Variants in SLC38A8 observed in about 807,000 individuals in gnomAD.
SLC38A8 encodes the protein amino acid transporter SLC38A8.
SLC38A8 carries 65 observed loss-of-function variants against 46.0 expected under a neutral mutation model. The observed-to-expected ratio is 1.41, with a 90% confidence interval of 1.16 to 1.74. The LOEUF (loss-of-function observed/expected upper bound fraction) is 1.74. SLC38A8 is among the 40% of genes most tolerant of loss of function. The pLI is 0.00. For synonymous variants in SLC38A8, 447 were observed against 243.7 expected (o/e 1.83, Z -7.77); for missense variants, 998 against 567.9 (o/e 1.76, Z -7.70).
At position 84,022,950 on chromosome 16, in the gene SLC38A8, A is replaced by G. The variant is rs1213465538; in HGVS notation, c.691-61T>C. On this transcript the variant is annotated intron_variant, in intron 6 of 10. Coordinates refer to ENST00000299709, the MANE Select transcript of SLC38A8 (RefSeq NM_001080442.3). ...TTCCCCTGGAACAGGCGATGCGAAA[A>G]AAAACTCATATCCAAAAGGCGGGAA... The G allele has an allele frequency of 4.9e-6, 6 of 1,231,786 alleles. No individual in the cohort carries two copies. The African/African-American group carries it at 7.7e-5, about 16-fold the overall frequency. 76.3% of individuals were successfully genotyped at this position (1,231,786 alleles called of 1,614,324 possible). A position where few individuals can be genotyped will look rare whatever the true frequency, so the allele number is the denominator to read the frequency against.
chr16:84,016,512 G>A lies in SLC38A8; in HGVS notation c.1162+7C>T. On this transcript the variant is annotated splice_region_variant and intron_variant, in intron 9 of 10. Transcript: ENST00000299709. ...TGGGCAGAAAGCCTGGAAAGCAGGG[G>A]CCTCACCTGGGAAGATGAAGATGAA... is the stretch of plus-strand genomic sequence containing the variant. 1.9e-6 allele frequency: 3 copies of A among 1,612,896 alleles called. No homozygotes were observed. Among genetic ancestry groups the A allele is most frequent in the South Asian group, 2.2e-5 (2 of 91,032 alleles).
At chr16:84,031,705 G>A (rs1440644125) in intron 5 of SLC38A8, among the ~76,000 whole-genome samples, 162 bp downstream of exon 5, 1 of 152,176 alleles carries the variant, frequency 6.6e-6, no homozygotes, top group Non-Finnish European at 1.5e-5. Flanking sequence ...AAGGAGAGTG[G>A]CCCTCCCTTG....
chr16:84,013,424 GTTTTTTTTT>G (rs1221293803), intron 9 of SLC38A8, among the ~76,000 whole-genome samples: 3 of 64,048 alleles, frequency 4.7e-5, no homozygotes, highest in African/African-American at 2.4e-4. Context: ...TTGTGTGTGT[GTTTTTTTTT>G]TTTTTTTTTT....
chr16:84,024,552 G>A lies in SLC38A8; in HGVS notation c.691-1663C>T, dbSNP rs576324759. On this transcript the variant is annotated intron_variant, in intron 6 of 10. Coordinates refer to ENST00000299709, the MANE Select transcript of SLC38A8 (RefSeq NM_001080442.3). Reference sequence around the variant, plus strand: ...TCCCAGCACTTTGGGAGGCCAAGGCGTGTGGATCACCTGAGGTCTGGAGTT... The same window carrying A: ...TCCCAGCACTTTGGGAGGCCAAGGCATGTGGATCACCTGAGGTCTGGAGTT... Among the ~76,000 whole-genome samples, 9 of 152,136 alleles carry A rather than the reference G, an allele frequency of 5.9e-5. No homozygotes were observed. In the East Asian group the frequency reaches 1.2e-3, roughly 20 times the overall value.
At position 84,040,832 on chromosome 16, in the gene SLC38A8, T is replaced by C. The variant is rs553228658; in HGVS notation, c.189+1137A>G. 2.0e-5 allele frequency among the ~76,000 whole-genome samples: 3 copies of C among 152,334 alleles called. No homozygotes were observed. The South Asian group carries it at 6.2e-4, about 32-fold the overall frequency. ...CCATCTGAAGCTGATGACATGCATCTTGTCTGACTTCCCATTAAAACAAAG... is the reference window on the plus strand; with the variant it reads ...CCATCTGAAGCTGATGACATGCATCCTGTCTGACTTCCCATTAAAACAAAG... On this transcript the variant is annotated intron_variant, in intron 2 of 10. Transcript: ENST00000299709.
At chr16:84,012,069 C>A (rs2084960903) in intron 10 of SLC38A8, among the ~76,000 whole-genome samples, 1 of 152,176 alleles carries the variant, frequency 6.6e-6, no homozygotes. Context: ...ACACTCCTGG[C>A]TCCAGAACTG....
At chr16:84,012,696 G>A (rs978095122) in intron 10 of SLC38A8, among the ~76,000 whole-genome samples, 2 of 152,220 alleles carry the variant, frequency 1.3e-5, no homozygotes, top group Non-Finnish European at 2.9e-5. Context: ...TCCGAGCCAG[G>A]TAACAAAGGA....
At position 84,022,876 on chromosome 16, in the gene SLC38A8, G is replaced by A. The variant is rs769040211; in HGVS notation, c.704C>T (p.Ala235Val). ...ICFGFQCHEAAVSIYCSMRKR... is the reference protein window; with the variant it reads ...ICFGFQCHEAVVSIYCSMRKR... ...GCGCATGCTGCAGTAGATGGAGACG[G>A]CAGCTTCGTGACACTGTAAGACAGA... is the stretch of plus-strand genomic sequence containing the variant. Residue 235 changes from alanine (A) to valine (V), a missense_variant, in exon 7 of 11, where the codon GCC (alanine) becomes GTC (valine). By Grantham distance (64) the Ala-to-Val change is moderately conservative. Coordinates refer to ENST00000299709, the MANE Select transcript of SLC38A8 (RefSeq NM_001080442.3). The A allele has an allele frequency of 3.7e-6, 6 of 1,604,394 alleles. No homozygotes were observed. Among genetic ancestry groups the A allele is most frequent in the Non-Finnish European group, 5.1e-6 (6 of 1,176,210 alleles).
At chr16:84,023,929 C>T (rs938064829) in intron 6 of SLC38A8, among the ~76,000 whole-genome samples, 14 of 152,164 alleles carry the variant, frequency 9.2e-5, no homozygotes, top group African/African-American at 2.4e-4. Flanking sequence ...AGAATGTTTC[C>T]GTTAATGGAT....
chr16:84,040,913 G>T (rs1369860067), intron 2 of SLC38A8, among the ~76,000 whole-genome samples: 1 of 152,238 alleles, frequency 6.6e-6, no homozygotes, highest in Non-Finnish European at 1.5e-5. Context: ...GCACGGGGCA[G>T]GAGCTCGGCC....
In SLC38A8 at chr16:84,009,814, G is replaced by A. The variant is rs778602390; in HGVS notation, c.1278C>T (p.Ser426=). The part of the protein sequence containing the change: ...VLVGTFIFGQ[S]TAAAVWEMF ...ACATCTCCCAGACCGCTGCCGCCGT[G>A]CTCTGCCCAAAGATGAAGGTGCCGA... The change falls in exon 11 of 11, where the codon AGC becomes AGT. Residue 426 remains serine (S), a synonymous_variant. Transcript: ENST00000299709. 15 of 1,614,032 alleles carry A rather than the reference G, an allele frequency of 9.3e-6. No homozygotes were observed. The highest frequency in any genetic ancestry group is 2.2e-5 in the East Asian group (1 of 44,860).
intron 2 of SLC38A8, among the ~76,000 whole-genome samples, chr16:84,038,941 G>A (rs57696283): frequency 6.6e-6 from 1 of 152,180 alleles, no homozygotes; most frequent in Non-Finnish European, 1.5e-5. Context: ...GCCTGTGAAC[G>A]TGACTTACTG....
At chr16:84,033,585 G>A in intron 3 of SLC38A8, 116 bp from the exon 4 acceptor site, 3 of 1,226,310 alleles carry the variant, frequency 2.4e-6, no homozygotes, top group South Asian at 1.5e-5. Flanking sequence ...CCAGCCCCAG[G>A]AGCCCAGGGA....
intron 6 of SLC38A8, among the ~76,000 whole-genome samples, chr16:84,027,106 C>G (rs1268572786): frequency 6.6e-6 from 1 of 152,168 alleles, no homozygotes; most frequent in East Asian, 1.9e-4. Context: ...AATCCCAGCA[C>G]TTTGGGAGGC....
intron 6 of SLC38A8, among the ~76,000 whole-genome samples, chr16:84,024,417 G>A (rs554549578): frequency 8.5e-5 from 13 of 152,158 alleles, no homozygotes; most frequent in South Asian, 2.1e-4. Flanking sequence ...GAGTTCAAGC[G>A]ACCCTCCTGC....
intron 6 of SLC38A8, among the ~76,000 whole-genome samples, chr16:84,025,533 C>T (rs1332611464): frequency 6.6e-6 from 1 of 152,194 alleles, no homozygotes; most frequent in South Asian, 2.1e-4. Context: ...ACCAAGTCTG[C>T]GTTGCTCAGG....
At chr16:84,024,479 G>A (rs897980655) in intron 6 of SLC38A8, among the ~76,000 whole-genome samples, 3 of 151,994 alleles carry the variant, frequency 2.0e-5, no homozygotes, top group Admixed American at 2.0e-4. Flanking sequence ...ATGCCCAAGG[G>A]GGATAAGAAT....
At chr16:84,025,439 CCT>C (rs1431124144) in intron 6 of SLC38A8, among the ~76,000 whole-genome samples, 1 of 152,184 alleles carries the variant, frequency 6.6e-6, no homozygotes, top group Non-Finnish European at 1.5e-5. Context: ...GGGCTGGTTT[CCT>C]CTCTCACACA....
Position 84,033,287 on chromosome 16 carries a change from G to T in SLC38A8, c.530+41C>A, listed in dbSNP as rs564252031. 10 of 1,613,126 alleles carry T rather than the reference G, an allele frequency of 6.2e-6. No individual in the cohort carries two copies. The African/African-American group carries it at 1.3e-4, about 22-fold the overall frequency. ...ACAGAAACCCTGACACAAACACTCA[G>T]CAAGGTGGGGGCCCCCACCAGGCAG... On this transcript the variant is annotated intron_variant, in intron 4 of 10. Coordinates refer to ENST00000299709, the MANE Select transcript of SLC38A8 (RefSeq NM_001080442.3).
Sources: gnomAD v4.1 joint callset for allele counts (sites outside exome capture counted in the v4.1 genomes callset) on GRCh38, gnomAD v4.1.1 for gene constraint, MANE v1.5 for transcripts, NCBI Gene and HGNC (gene_info 2026-07-23, HGNC 2026-07-21) for gene names.